Variants in CACNA2D1 observed in about 807,000 individuals in gnomAD.
CACNA2D1 encodes the protein calcium voltage-gated channel auxiliary subunit alpha2delta 1.
A neutral mutation model predicts 171.5 loss-of-function variants in CACNA2D1; 53 were observed. That is an observed-to-expected ratio of 0.31 (90% CI 0.25 to 0.39). The LOEUF (loss-of-function observed/expected upper bound fraction) is 0.39, where lower values mean the gene tolerates loss of function less well. Among genes scored for constraint, CACNA2D1 ranks in the 10% least tolerant of loss-of-function variants. The probability of loss-of-function intolerance (pLI) is 1.00; values close to 1 mark genes in which losing one functional copy is unlikely to be tolerated. For synonymous variants in CACNA2D1, 442 were observed against 443.1 expected, an observed-to-expected ratio of 1.00 and a Z score of 0.03; for missense variants, 903 against 1,299.8, an observed-to-expected ratio of 0.69 and a Z score of 4.69.
intron 31 of CACNA2D1, among the ~76,000 whole-genome samples, chr7:81,966,679 A>G (rs1794737113): frequency 6.6e-6 from 1 of 151,448 alleles, no homozygotes; most frequent in African/African-American, 2.4e-5. Context: ...AAGTAATACA[A>G]GACACCTTAA....
At position 82,443,513 on chromosome 7, in the gene CACNA2D1, C is replaced by A; in HGVS notation, c.-54G>T. 1.3e-6 allele frequency: 2 copies of A among 1,583,512 alleles called. No individual in the cohort carries two copies. The highest frequency in any genetic ancestry group is 1.7e-6 in the Non-Finnish European group (2 of 1,165,588). Reference sequence around the variant, plus strand: ...CCTGCCCAAGCGGGGGAAGGAGCGGCGCTGGAAACCGCGGGCGGAGGAAGA... The same window carrying A: ...CCTGCCCAAGCGGGGGAAGGAGCGGAGCTGGAAACCGCGGGCGGAGGAAGA... On this transcript the variant is annotated 5_prime_UTR_variant, in exon 1 of 39. Coordinates refer to ENST00000356860, the MANE Select transcript of CACNA2D1 (RefSeq NM_000722.4).
chr7:82,174,912 C>A (rs1796406754), intron 3 of CACNA2D1, among the ~76,000 whole-genome samples: 1 of 152,018 alleles, frequency 6.6e-6, no homozygotes, highest in Non-Finnish European at 1.5e-5. Context: ...AAAGTCTATT[C>A]ATTCTCAACC....
At chr7:82,135,186 T>TCATC (rs1791462856) in intron 5 of CACNA2D1, among the ~76,000 whole-genome samples, 1 of 152,072 alleles carries the variant, frequency 6.6e-6, no homozygotes, top group Non-Finnish European at 1.5e-5. Flanking sequence ...TAAGGCTTTG[T>TCATC]CATCGCTTTA....
Position 82,278,557 on chromosome 7 carries a change from TAAAAA to T in CACNA2D1, c.294+56573_294+56577del, listed in dbSNP as rs59630150. 3.4e-4 allele frequency among the ~76,000 whole-genome samples: 37 copies of T among 107,780 alleles called. 1 individual carries two copies. Among genetic ancestry groups the T allele is most frequent in the Admixed American group, 6.4e-4 (6 of 9,370 alleles). 70.7% of individuals were successfully genotyped at this position (107,780 alleles called of 152,430 possible). On this transcript the variant is annotated intron_variant, in intron 3 of 38. Transcript: ENST00000356860. ...TGAGAGACAGAGTGAGACTCTGTCT[TAAAAA>T]AAAAAAAAAAAAAAAAAAATTACAT...
chr7:82,108,418 C>T (rs909211156), intron 6 of CACNA2D1, among the ~76,000 whole-genome samples: 7 of 152,100 alleles, frequency 4.6e-5, no homozygotes, highest in Non-Finnish European at 1.0e-4. Flanking sequence ...CAGATTGAGG[C>T]CCGCTTTTGT....
intron 3 of CACNA2D1, among the ~76,000 whole-genome samples, chr7:82,307,721 T>C (rs1175541086): frequency 6.6e-6 from 1 of 152,088 alleles, no homozygotes; most frequent in Non-Finnish European, 1.5e-5. Context: ...TAGGACTGCT[T>C]CTTTGCATCT....
intron 4 of CACNA2D1, among the ~76,000 whole-genome samples, chr7:82,144,106 G>A (rs761733261): frequency 9.2e-5 from 14 of 151,866 alleles, no homozygotes; most frequent in African/African-American, 2.7e-4. Context: ...GAGTAGTTAC[G>A]GTCATAAAAG....
intron 12 of CACNA2D1, among the ~76,000 whole-genome samples, chr7:82,030,769 A>G (rs908931691): frequency 1.3e-5 from 2 of 151,942 alleles, no homozygotes; most frequent in African/African-American, 4.8e-5. Context: ...TATGACAAAT[A>G]TAAGATGCTA....
intron 24 of CACNA2D1, among the ~76,000 whole-genome samples, chr7:81,979,146 T>C (rs1031337385): frequency 1.3e-5 from 2 of 151,818 alleles, no homozygotes; most frequent in East Asian, 3.9e-4. Flanking sequence ...AGACAGAAAA[T>C]AGATTAGTGG....
At position 81,949,873 on chromosome 7, in the gene CACNA2D1, T is replaced by G. The variant is rs1792330743; in HGVS notation, c.*519A>C. 2 of 152,774 alleles carry G rather than the reference T, an allele frequency of 1.3e-5. No individual in the cohort carries two copies. The highest frequency in any genetic ancestry group is 1.3e-4 in the Admixed American group (2 of 15,332). 9.5% of individuals were successfully genotyped at this position (152,774 alleles called of 1,614,324 possible). A position where few individuals can be genotyped will look rare whatever the true frequency, so the allele number is the denominator to read the frequency against. On this transcript the variant is annotated 3_prime_UTR_variant, in exon 39 of 39. Coordinates refer to ENST00000356860, the MANE Select transcript of CACNA2D1 (RefSeq NM_000722.4). Reference sequence around the variant, plus strand: ...CATAGAAAATTAGCCATTATTTATATTTCAACAATTTAGACCAATGTTAAT... The same window carrying G: ...CATAGAAAATTAGCCATTATTTATAGTTCAACAATTTAGACCAATGTTAAT...
intron 3 of CACNA2D1, among the ~76,000 whole-genome samples, chr7:82,216,446 C>G (rs1801105620): frequency 6.6e-6 from 1 of 152,134 alleles, no homozygotes; most frequent in African/African-American, 2.4e-5. Flanking sequence ...TACTGTTTAA[C>G]TTTCTCACCA....
At chr7:82,002,138 C>G (rs1299007097) in intron 18 of CACNA2D1, among the ~76,000 whole-genome samples, 1 of 151,098 alleles carries the variant, frequency 6.6e-6, no homozygotes, top group African/African-American at 2.4e-5. Context: ...TGTTGAAATC[C>G]TCATCTCCAG....
At position 81,971,915 on chromosome 7, in the gene CACNA2D1, C is replaced by G. The variant is rs1229505; in HGVS notation, c.2054-51G>C. ...ACACTCACATTTCTAAAATTATGATCATAATGAAAAATATATTTTCTATTT... is the reference window on the plus strand; with the variant it reads ...ACACTCACATTTCTAAAATTATGATGATAATGAAAAATATATTTTCTATTT... On this transcript the variant is annotated intron_variant, in intron 25 of 38. Coordinates refer to ENST00000356860, the MANE Select transcript of CACNA2D1 (RefSeq NM_000722.4). The G allele has an allele frequency of 0.35, 384,259 of 1,097,464 alleles. 70,764 individuals carry two copies. The highest frequency in any genetic ancestry group is 0.38 in the Non-Finnish European group (271,315 of 715,220). The allele number at this position is 1,097,464 out of a possible 1,614,324, so 68.0% of individuals were successfully genotyped here. A position where few individuals can be genotyped will look rare whatever the true frequency, so the allele number is the denominator to read the frequency against.
intron 3 of CACNA2D1, among the ~76,000 whole-genome samples, chr7:82,217,657 CA>C (rs1801297280): frequency 6.6e-6 from 1 of 150,714 alleles, no homozygotes; most frequent in African/African-American, 2.4e-5. Context: ...CACACACACA[CA>C]CACACAATCT....
intron 10 of CACNA2D1, among the ~76,000 whole-genome samples, chr7:82,040,483 AG>A (rs1296652593): frequency 1.4e-5 from 2 of 138,856 alleles, no homozygotes; most frequent in Admixed American, 7.4e-5. Flanking sequence ...AGAAGGCTTC[AG>A]GAAAAAAAAA....
At chr7:82,105,475 G>T (rs1200506788) in intron 6 of CACNA2D1, among the ~76,000 whole-genome samples, 31 of 142,456 alleles carry the variant, frequency 2.2e-4, no homozygotes, top group African/African-American at 7.5e-4. Context: ...AATTATTCTG[G>T]AATTAATGAT....
In CACNA2D1 at chr7:82,283,848, G is replaced by A. The variant is rs1810427730; in HGVS notation, c.294+51287C>T. Among the ~76,000 whole-genome samples, 4 of 152,032 alleles carry A rather than the reference G, an allele frequency of 2.6e-5. No homozygotes were observed. In the South Asian group the frequency reaches 6.2e-4, roughly 24 times the overall value. On this transcript the variant is annotated intron_variant, in intron 3 of 38. Coordinates refer to ENST00000356860, the MANE Select transcript of CACNA2D1 (RefSeq NM_000722.4). ...TTAAATAAATGAGAACATGATTCTA[G>A]AATGATCACTTAACTATTTGGAAAG...
At chr7:81,952,105 A>G (rs1041445474) in intron 38 of CACNA2D1, among the ~76,000 whole-genome samples, 3 of 148,070 alleles carry the variant, frequency 2.0e-5, no homozygotes, top group African/African-American at 7.5e-5. Flanking sequence ...AATTTTTCAT[A>G]TGTTTTGGCC....
chr7:82,263,544 A>C lies in CACNA2D1; in HGVS notation c.294+71591T>G, dbSNP rs114915279. ...CTGCCCCTATAACCCTATCCACAGA[A>C]CTAACTCTGAAATTATAAATGAATG... On this transcript the variant is annotated intron_variant, in intron 3 of 38. Coordinates refer to ENST00000356860, the MANE Select transcript of CACNA2D1 (RefSeq NM_000722.4). Among the ~76,000 whole-genome samples the C allele has an allele frequency of 7.6e-3, 1,153 of 152,304 alleles. 12 individuals are homozygous for C. Among genetic ancestry groups the C allele is most frequent in the African/African-American group, 0.027 (1,110 of 41,554 alleles).
Sources: gnomAD v4.1 joint callset for allele counts (sites outside exome capture counted in the v4.1 genomes callset) on GRCh38, gnomAD v4.1.1 for gene constraint, MANE v1.5 for transcripts, NCBI Gene and HGNC (gene_info 2026-07-23, HGNC 2026-07-21) for gene names.